Variants in PDE6C observed in about 807,000 individuals in gnomAD.
PDE6C encodes the protein cone cGMP-specific 3',5'-cyclic phosphodiesterase subunit alpha'.
Under a neutral mutation model 113.1 loss-of-function variants are expected in PDE6C, and 75 were observed. That is an observed-to-expected ratio of 0.66 (90% confidence interval 0.55 to 0.80). The LOEUF (loss-of-function observed/expected upper bound fraction) is 0.80, where lower values mean the gene tolerates loss of function less well. Ranked by LOEUF, PDE6C falls within the 30% of genes least tolerant of loss-of-function variation. PDE6C has a pLI of 0.00. For missense variants in PDE6C, 912 were observed against 1,038.6 expected (o/e 0.88, Z 1.67); for synonymous variants, 375 against 363.7 (o/e 1.03, Z -0.35).
At chr10:93,640,836 A>G in intron 13 of PDE6C, 84 bp from the exon 14 acceptor site, 1 of 896,422 alleles carries the variant, frequency 1.1e-6, no homozygotes, top group Non-Finnish European at 1.8e-6. Context: ...TAGTGGGCCT[A>G]TTCTCTATTG....
intron 15 of PDE6C, among the ~76,000 whole-genome samples, chr10:93,649,127 A>C (rs1347239476): frequency 2.0e-5 from 3 of 152,174 alleles, no homozygotes; most frequent in Non-Finnish European, 4.4e-5. Flanking sequence ...TCATAGTTCT[A>C]TCGCCATTTT....
At position 93,663,128 on chromosome 10, in the gene PDE6C, T is replaced by G; in HGVS notation, c.2468T>G (p.Met823Arg). The G allele has an allele frequency of 6.2e-7, 1 of 1,613,626 alleles. No individual in the cohort carries two copies. The highest frequency in any genetic ancestry group is 8.5e-7 in the Non-Finnish European group (1 of 1,179,806). ...CTAGCTGATGAGTATGATGCAAAGA[T>G]GAAGGTCATTGAAGAGGAGGCAAAA... ...KSLADEYDAK[M>R]KVIEEEAKKQ... The change falls in exon 21 of 22, where the codon ATG (methionine) becomes AGG (arginine). Residue 823 changes from methionine (M) to arginine (R), a missense_variant. By Grantham distance (91) the Met-to-Arg change is moderately conservative (BLOSUM62 -1). Transcript: ENST00000371447.
Position 93,613,124 on chromosome 10 carries a change from AGTTGT to A in PDE6C, c.403_407del (p.Val135SerfsTer18). 6.2e-7 allele frequency: 1 copy of A among 1,614,182 alleles called. No individual in the cohort carries two copies. The highest frequency in any genetic ancestry group is 8.5e-7 in the Non-Finnish European group (1 of 1,180,040). ...ACAACCTGGTGGGCCCTGACAAAGA[AGTTGT>A]GTTTCCATTGGACATTGGGATAGTG... On this transcript the variant is annotated frameshift_variant, in exon 1 of 22. Transcript: ENST00000371447. LOFTEE classifies it high-confidence loss of function.
intron 1 of PDE6C, among the ~76,000 whole-genome samples, chr10:93,617,393 G>A (rs2058425082): frequency 6.6e-6 from 1 of 152,140 alleles, no homozygotes; most frequent in African/African-American, 2.4e-5. Flanking sequence ...TCTCAAAACA[G>A]TCCATTGAAC....
intron 20 of PDE6C, 43 bp from the exon 21 acceptor site, chr10:93,662,985 A>G: frequency 6.5e-7 from 1 of 1,542,678 alleles, no homozygotes; most frequent in Non-Finnish European, 8.9e-7. Context: ...CCTGAAAATT[A>G]ACTGTATGAT....
intron 14 of PDE6C, among the ~76,000 whole-genome samples, chr10:93,642,946 C>G (rs542545107): frequency 6.6e-6 from 1 of 152,292 alleles, no homozygotes; most frequent in Non-Finnish European, 1.5e-5. Context: ...CCGCTCGCTC[C>G]TCCAGAATGC....
rs701865 is a variant in PDE6C, at chr10:93,622,016, T to G, written c.808T>G (p.Ser270Ala). Residue 270 changes from serine (S) to alanine (A), a missense_variant, in exon 4 of 22, where the codon TCA becomes GCA. Ser to Ala is a moderately conservative substitution (Grantham distance 99). Transcript: ENST00000371447. ...TCACAAAGCGCTCTACACGGTTAGATCATATCTGAACTGTGAACGATACTC... is the reference window on the plus strand; with the variant it reads ...TCACAAAGCGCTCTACACGGTTAGAGCATATCTGAACTGTGAACGATACTC... ...QFHKALYTVR[S>A]YLNCERYSIG... 6 of 1,613,542 alleles carry G rather than the reference T, an allele frequency of 3.7e-6. No individual in the cohort carries two copies. In the Admixed American group the frequency reaches 1.0e-4, roughly 27 times the overall value.
In PDE6C at chr10:93,620,777, A is replaced by C. The variant is rs554434639; in HGVS notation, c.626A>C (p.Asp209Ala). ...AATGCATCTGAATTTTCCAAACAGGATGAAGAGGTAATGCTAACCCTGGGC... is the reference window on the plus strand; with the variant it reads ...AATGCATCTGAATTTTCCAAACAGGCTGAAGAGGTAATGCTAACCCTGGGC... ...KVNASEFSKQDEEVFSKYLNF... is the reference protein window; with the variant it reads ...KVNASEFSKQAEEVFSKYLNF... The change falls in exon 2 of 22, where the codon GAT becomes GCT. Residue 209 changes from aspartate to alanine, a missense_variant. Asp to Ala is a moderately radical substitution (Grantham distance 126). Transcript: ENST00000371447. 1 of 1,614,208 alleles carries C rather than the reference A, an allele frequency of 6.2e-7. No homozygotes were observed. The highest frequency in any genetic ancestry group is 1.3e-5 in the African/African-American group (1 of 75,046).
chr10:93,633,181 C>T (rs2134604880), intron 8 of PDE6C, among the ~76,000 whole-genome samples: 1 of 152,116 alleles, frequency 6.6e-6, no homozygotes, highest in South Asian at 2.1e-4. Context: ...AGATGCATGC[C>T]CAGGCCAGGC....
At chr10:93,665,294 A>ATGTT in intron 21 of PDE6C, 66 bp from the exon 22 acceptor site, 1 of 1,138,548 alleles carries the variant, frequency 8.8e-7, no homozygotes. Context: ...TATCATGGGA[A>ATGTT]TGTTAGAATA....
At chr10:93,622,110 C>A in intron 4 of PDE6C, 38 bp downstream of exon 4, 1 of 1,593,300 alleles carries the variant, frequency 6.3e-7, no homozygotes, top group Non-Finnish European at 8.6e-7. Context: ...CATCTCACAT[C>A]GCCTATATAA....
intron 8 of PDE6C, among the ~76,000 whole-genome samples, chr10:93,631,856 A>G (rs556899851): frequency 7.2e-5 from 11 of 152,222 alleles, no homozygotes; most frequent in South Asian, 4.1e-4. Context: ...TTGGGGGCAT[A>G]ATGGATTCAT....
At chr10:93,627,468 C>T (rs1398490724) in intron 7 of PDE6C, among the ~76,000 whole-genome samples, 7 of 152,046 alleles carry the variant, frequency 4.6e-5, no homozygotes, top group Non-Finnish European at 8.8e-5. Flanking sequence ...AATCCAATGA[C>T]TATGATTTAA....
intron 10 of PDE6C, among the ~76,000 whole-genome samples, chr10:93,636,228 C>T (rs188973592): frequency 6.4e-4 from 98 of 152,240 alleles, no homozygotes; most frequent in African/African-American, 2.2e-3. Flanking sequence ...GCTCATTGGC[C>T]AAAGAAAGCC....
chr10:93,651,913 C>T (rs565951730), intron 15 of PDE6C, among the ~76,000 whole-genome samples: 199 of 152,220 alleles, frequency 1.3e-3, no homozygotes, highest in African/African-American at 4.3e-3. Flanking sequence ...TTCTCCTGTG[C>T]GCTGGGCACA....
intron 16 of PDE6C, among the ~76,000 whole-genome samples, chr10:93,656,686 C>T (rs1038257955): frequency 6.6e-6 from 1 of 152,026 alleles, no homozygotes; most frequent in African/African-American, 2.4e-5. Context: ...TCTCCTGCCT[C>T]AGCCTCCTGA....
chr10:93,658,188 A>G (rs1302529817), intron 16 of PDE6C, among the ~76,000 whole-genome samples: 45 of 140,990 alleles, frequency 3.2e-4, no homozygotes, highest in Non-Finnish European at 6.1e-4. Context: ...AAAAAAAAAA[A>G]AAAAGAAAAA....
chr10:93,630,733 T>G (rs2134602829), intron 8 of PDE6C, among the ~76,000 whole-genome samples: 1 of 152,322 alleles, frequency 6.6e-6, no homozygotes, highest in African/African-American at 2.4e-5. Context: ...GGCTGCAGCG[T>G]GCCTCCTTAG....
chr10:93,642,135 G>C (rs140926253), intron 14 of PDE6C, among the ~76,000 whole-genome samples: 232 of 152,324 alleles, frequency 1.5e-3, no homozygotes, highest in Non-Finnish European at 2.5e-3. Context: ...GGAGGCTGAG[G>C]AGGGCAGATC....
Sources: allele counts gnomAD v4.1 joint callset (sites outside exome capture counted in the v4.1 genomes callset), GRCh38; gene constraint gnomAD v4.1.1; transcripts MANE v1.5; gene names NCBI Gene and HGNC (gene_info 2026-07-23, HGNC 2026-07-21).